Variants in RUNX2 observed in about 807,000 individuals in gnomAD.
RUNX2 encodes runt-related transcription factor 2.
RUNX2 carries 10 observed loss-of-function variants against 51.7 expected under a neutral mutation model. That is an observed-to-expected ratio of 0.19 (90% confidence interval 0.12 to 0.33). The LOEUF (loss-of-function observed/expected upper bound fraction) is 0.33, where lower values mean the gene tolerates loss of function less well. RUNX2 is among the 10% of genes least tolerant of loss of function. The probability of loss-of-function intolerance (pLI) is 1.00; values close to 1 mark genes in which losing one functional copy is unlikely to be tolerated. For synonymous variants in RUNX2, 276 were observed against 273.6 expected, an observed-to-expected ratio of 1.01 and a Z score of -0.09; for missense variants, 562 against 691.3, an observed-to-expected ratio of 0.81 and a Z score of 2.10.
intron 5 of RUNX2, among the ~76,000 whole-genome samples, chr6:45,458,492 A>G (rs1799383256): frequency 6.6e-6 from 1 of 152,202 alleles, no homozygotes; most frequent in African/African-American, 2.4e-5. Context: ...AGCTGTGACA[A>G]TTTTGATAAA....
intron 2 of RUNX2, among the ~76,000 whole-genome samples, chr6:45,367,624 C>T (rs1026004257): frequency 2.6e-5 from 4 of 152,098 alleles, no homozygotes; most frequent in East Asian, 1.9e-4. Context: ...GAGCTATCTT[C>T]GAGAACATGT....
At position 45,435,658 on chromosome 6, in the gene RUNX2, G is replaced by A. The variant is rs575875606; in HGVS notation, c.581-2289G>A. ...CAGGCGTGAGCCACCGCGCCCAGCC[G>A]ACAATCTTTCTACCAGGTTATTTAG... On this transcript the variant is annotated intron_variant, in intron 4 of 8. Transcript: ENST00000647337. Among the ~76,000 whole-genome samples, 42 of 152,136 alleles carry A rather than the reference G, an allele frequency of 2.8e-4. No individual in the cohort carries two copies. In the South Asian group the frequency reaches 8.5e-3, roughly 31 times the overall value.
intron 3 of RUNX2, 32 bp from the exon 4 acceptor site, chr6:45,431,831 A>G (rs1460084771): frequency 1.2e-6 from 2 of 1,612,248 alleles, no homozygotes; most frequent in Admixed American, 3.3e-5. Context: ...CTGATGTGCC[A>G]TTATTGCTGC....
chr6:45,422,018 G>A (rs865774414), intron 2 of RUNX2: 6 of 149,214 alleles, frequency 4.0e-5, no homozygotes, highest in African/African-American at 1.5e-4. Context: ...AGCCCGCGCG[G>A]GGGGAGCGGC....
At chr6:45,427,590 C>T (rs1009249765) in intron 3 of RUNX2, among the ~76,000 whole-genome samples, 32 of 152,124 alleles carry the variant, frequency 2.1e-4, no homozygotes, top group African/African-American at 7.5e-4. Context: ...TCTCACTTCT[C>T]TTTTTATTGC....
intron 5 of RUNX2, among the ~76,000 whole-genome samples, chr6:45,462,091 C>T (rs765857203): frequency 6.6e-6 from 1 of 151,986 alleles, no homozygotes; most frequent in Non-Finnish European, 1.5e-5. Context: ...TACAGAGAAA[C>T]CCTGATTAAA....
At chr6:45,526,639 C>T (rs1278518058) in intron 7 of RUNX2, among the ~76,000 whole-genome samples, 1 of 152,176 alleles carries the variant, frequency 6.6e-6, no homozygotes, top group African/African-American at 2.4e-5. Context: ...TAAAGTTACT[C>T]ATTTATTGAG....
At chr6:45,512,223 A>ATTTTTC in intron 6 of RUNX2, 23 bp from the exon 7 acceptor site, 1 of 1,610,894 alleles carries the variant, frequency 6.2e-7, no homozygotes, top group Non-Finnish European at 8.5e-7. Context: ...TATACTAAAG[A>ATTTTTC]TTTTTCTTTT....
intron 2 of RUNX2, among the ~76,000 whole-genome samples, chr6:45,414,126 C>T (rs187921588): frequency 4.6e-5 from 7 of 152,102 alleles, no homozygotes; most frequent in Non-Finnish European, 1.0e-4. Context: ...AAGAGTCATG[C>T]CCAGAGAAAC....
At chr6:45,419,653 G>C (rs1798136495) in intron 2 of RUNX2, among the ~76,000 whole-genome samples, 2 of 152,290 alleles carry the variant, frequency 1.3e-5, no homozygotes, top group Middle Eastern at 3.4e-3. Context: ...TGCACGCAGG[G>C]GACGCGGCGG....
chr6:45,333,267 T>C (rs957099149), intron 2 of RUNX2, among the ~76,000 whole-genome samples: 1 of 151,670 alleles, frequency 6.6e-6, no homozygotes, highest in African/African-American at 2.4e-5. Flanking sequence ...CTATACCTTA[T>C]TAAAAGGGAG....
At chr6:45,399,933 T>A (rs1281727256) in intron 2 of RUNX2, among the ~76,000 whole-genome samples, 1 of 144,176 alleles carries the variant, frequency 6.9e-6, no homozygotes, top group East Asian at 2.1e-4. Context: ...TGAAATTCAT[T>A]TTCTTTAGAA....
chr6:45,353,889 T>C (rs1166827826), intron 2 of RUNX2, among the ~76,000 whole-genome samples: 1 of 151,608 alleles, frequency 6.6e-6, no homozygotes, highest in Non-Finnish European at 1.5e-5. Flanking sequence ...TCAGTGCCTT[T>C]AGTATATCAA....
intron 5 of RUNX2, among the ~76,000 whole-genome samples, chr6:45,452,451 G>C (rs760028003): frequency 1.3e-5 from 2 of 152,244 alleles, no homozygotes; most frequent in Non-Finnish European, 2.9e-5. Flanking sequence ...AGGAAAGAAA[G>C]AGCCCTGTTT....
Position 45,548,106 on chromosome 6 carries a change from G to C in RUNX2, c.*801G>C, listed in dbSNP as rs143518330. 1 of 152,460 alleles carries C rather than the reference G, an allele frequency of 6.6e-6. No homozygotes were observed. Among genetic ancestry groups the C allele is most frequent in the Admixed American group, 6.5e-5 (1 of 15,268 alleles). The allele number at this position is 152,460 out of a possible 1,614,324, so 9.4% of individuals were successfully genotyped here. ...CCATAATGGTATAGATAGTGATTGCGTTTGGCTATGTGTTGTTTTCTTTTT... is the reference window on the plus strand; with the variant it reads ...CCATAATGGTATAGATAGTGATTGCCTTTGGCTATGTGTTGTTTTCTTTTT... On this transcript the variant is annotated 3_prime_UTR_variant, in exon 9 of 9. Transcript: ENST00000647337.
In RUNX2 at chr6:45,490,019, C is replaced by T. The variant is rs1215027753; in HGVS notation, c.686-1922C>T. ...AGGAAGGGAAGAGAAAGCTAGAATACCAGCACTGATGGTGCCACGTGATGA... is the reference window on the plus strand; with the variant it reads ...AGGAAGGGAAGAGAAAGCTAGAATATCAGCACTGATGGTGCCACGTGATGA... On this transcript the variant is annotated intron_variant, in intron 5 of 8. Transcript: ENST00000647337. 5.3e-5 allele frequency among the ~76,000 whole-genome samples: 8 copies of T among 152,274 alleles called. No individual in the cohort carries two copies. The South Asian group carries it at 1.2e-3, about 24-fold the overall frequency.
intron 3 of RUNX2, among the ~76,000 whole-genome samples, chr6:45,424,187 G>A (rs1400965949): frequency 1.3e-5 from 2 of 152,284 alleles, no homozygotes; most frequent in Middle Eastern, 3.4e-3. Context: ...GTCGCAGGCA[G>A]GTGCTCCGCA....
chr6:45,523,672 C>T (rs532204956), intron 7 of RUNX2, among the ~76,000 whole-genome samples: 112 of 152,036 alleles, frequency 7.4e-4, no homozygotes, highest in African/African-American at 2.2e-3. Context: ...CGGTGGCTCA[C>T]GCCTGTAATC....
At chr6:45,525,278 G>A (rs906092117) in intron 7 of RUNX2, among the ~76,000 whole-genome samples, 1 of 152,232 alleles carries the variant, frequency 6.6e-6, no homozygotes, top group Admixed American at 6.5e-5. Context: ...CTTTAATCCA[G>A]TAGGTGGTTG....
Sources: gnomAD v4.1 joint callset for allele counts (sites outside exome capture counted in the v4.1 genomes callset) on GRCh38, gnomAD v4.1.1 for gene constraint, MANE v1.5 for transcripts, NCBI Gene and HGNC (gene_info 2026-07-23, HGNC 2026-07-21) for gene names.